The following ASXL3 variants were observed in gnomAD, a reference collection of about 807,000 sequenced individuals.
ASXL3 encodes putative Polycomb group protein ASXL3.
A neutral mutation model predicts 170.6 loss-of-function variants in ASXL3; 34 were observed. The ratio of observed to expected loss-of-function variants is 0.20; its 90% confidence interval spans 0.15 to 0.27. The LOEUF (loss-of-function observed/expected upper bound fraction) is 0.27. Ranked by LOEUF, ASXL3 falls within the 10% of genes least tolerant of loss-of-function variation. The probability of loss-of-function intolerance (pLI) is 1.00; values close to 1 mark genes in which losing one functional copy is unlikely to be tolerated. For synonymous variants in ASXL3, 1,002 were observed against 989.1 expected (o/e 1.01, Z -0.24); for missense variants, 2,592 against 2,695.3 (o/e 0.96, Z 0.85).
intron 2 of ASXL3, among the ~76,000 whole-genome samples, chr18:33,624,597 A>G (rs1366488228): frequency 1.3e-5 from 2 of 152,068 alleles, no homozygotes; most frequent in Admixed American, 6.6e-5. Flanking sequence ...TCCCGACAGT[A>G]TTTCTGCCCA....
chr18:33,606,640 GTC>G (rs1199066892), intron 1 of ASXL3, among the ~76,000 whole-genome samples: 1 of 151,984 alleles, frequency 6.6e-6, no homozygotes, highest in Admixed American at 6.6e-5. Flanking sequence ...GAACTCTAGT[GTC>G]TCTAAGTTAC....
chr18:33,687,506 A>AC (rs2066615461), intron 8 of ASXL3, among the ~76,000 whole-genome samples: 1 of 152,120 alleles, frequency 6.6e-6, no homozygotes, highest in South Asian at 2.1e-4. Context: ...TCCTTTGACT[A>AC]CCCCAAGTTT....
intron 8 of ASXL3, among the ~76,000 whole-genome samples, chr18:33,702,967 C>T (rs576503546): frequency 3.3e-5 from 5 of 152,172 alleles, no homozygotes; most frequent in African/African-American, 7.2e-5. Context: ...TTCAACAATG[C>T]GGTGGGCATA....
chr18:33,610,408 A>G (rs1280080363), intron 2 of ASXL3, among the ~76,000 whole-genome samples: 1 of 151,960 alleles, frequency 6.6e-6, no homozygotes, highest in Non-Finnish European at 1.5e-5. Flanking sequence ...TAATGTTTTA[A>G]TGGTCCTCCC....
chr18:33,713,554 C>T (rs2067115806), intron 8 of ASXL3, among the ~76,000 whole-genome samples: 1 of 152,060 alleles, frequency 6.6e-6, no homozygotes, highest in African/African-American at 2.4e-5. Flanking sequence ...CGTGCCCGGC[C>T]TGAGCTTTCA....
intron 2 of ASXL3, among the ~76,000 whole-genome samples, chr18:33,607,902 A>G (rs2065273863): frequency 6.6e-6 from 1 of 152,010 alleles, no homozygotes; most frequent in Admixed American, 6.6e-5. Flanking sequence ...TACTTTCTTA[A>G]CAAAGAACAG....
At chr18:33,699,881 T>C (rs906692612) in intron 8 of ASXL3, among the ~76,000 whole-genome samples, 2 of 152,092 alleles carry the variant, frequency 1.3e-5, no homozygotes, top group African/African-American at 2.4e-5. Context: ...TTATACATTA[T>C]TTTTTATTTA....
chr18:33,620,267 C>G (rs775626868), intron 2 of ASXL3, among the ~76,000 whole-genome samples: 1 of 152,040 alleles, frequency 6.6e-6, no homozygotes, highest in Non-Finnish European at 1.5e-5. Context: ...CAGTTTGTAG[C>G]TTAATTTGTG....
At chr18:33,730,393 T>C (rs2067423407) in intron 8 of ASXL3, among the ~76,000 whole-genome samples, 1 of 152,094 alleles carries the variant, frequency 6.6e-6, no homozygotes, top group African/African-American at 2.4e-5. Context: ...AAGTGGTTGT[T>C]TGGGAATGAT....
rs751213787 is a variant in ASXL3, at chr18:33,744,537, C to G, written c.4689C>G (p.Pro1563=). The G allele has an allele frequency of 5.6e-6, 9 of 1,612,090 alleles. No individual in the cohort carries two copies. The East Asian group carries it at 1.6e-4, about 28-fold the overall frequency. The change falls in exon 12 of 12, where the codon CCC becomes CCG. Residue 1563 remains proline, a synonymous_variant. Coordinates refer to ENST00000269197, the MANE Select transcript of ASXL3 (RefSeq NM_030632.3). ...PATCTSLREL[P]LVPDKLNEPT... ...CCTGCACAAGTCTCCGAGAATTACC[C>G]CTTGTTCCAGATAAATTAAATGAGC...
At chr18:33,664,169 A>G (rs2066220314) in intron 5 of ASXL3, among the ~76,000 whole-genome samples, 1 of 152,116 alleles carries the variant, frequency 6.6e-6, no homozygotes, top group Non-Finnish European at 1.5e-5. Context: ...TTATATCCCC[A>G]TTTTTCAAAG....
rs753932440 is a variant in ASXL3, at chr18:33,671,883, C to CTA, written c.715+19_715+20dup. The CTA allele has an allele frequency of 9.3e-6, 14 of 1,507,206 alleles. No homozygotes were observed. Among genetic ancestry groups the CTA allele is most frequent in the African/African-American group, 1.4e-5 (1 of 70,652 alleles). 93.4% of individuals were successfully genotyped at this position (1,507,206 alleles called of 1,614,324 possible). ...CTGGTTTAGGTGAGTGTTTAATAGA[C>CTA]TATGCCATTTCACATTTTAGAAATT... On this transcript the variant is annotated intron_variant, in intron 7 of 11. Transcript: ENST00000269197.
chr18:33,645,469 A>T (rs956227371), intron 3 of ASXL3, among the ~76,000 whole-genome samples: 1 of 151,974 alleles, frequency 6.6e-6, no homozygotes, highest in African/African-American at 2.4e-5. Context: ...CGTGATCTCA[A>T]GGAAGTTTTA....
In ASXL3 at chr18:33,745,745, A is replaced by G. The variant is rs1277675171; in HGVS notation, c.5897A>G (p.His1966Arg). Reference protein sequence around the residue: ...VGCNAFAFNRHLEQKGLGEVS... With the variant: ...VGCNAFAFNRRLEQKGLGEVS... ...TGTAATGCATTTGCCTTCAACAGGC[A>G]TCTTGAACAGAAGGGATTGGGAGAG... The change falls in exon 12 of 12, where the codon CAT (histidine) becomes CGT (arginine). Residue 1966 changes from histidine (H) to arginine (R), a missense_variant. Coordinates refer to ENST00000269197, the MANE Select transcript of ASXL3 (RefSeq NM_030632.3). 1 of 1,613,992 alleles carries G rather than the reference A, an allele frequency of 6.2e-7. No individual in the cohort carries two copies.
intron 7 of ASXL3, among the ~76,000 whole-genome samples, chr18:33,680,806 T>C (rs2066502486): frequency 6.6e-6 from 1 of 151,888 alleles, no homozygotes; most frequent in African/African-American, 2.4e-5. Flanking sequence ...TTAGTAGTTT[T>C]TAGTTTATTG....
At position 33,739,878 on chromosome 18, in the gene ASXL3, C is replaced by G; in HGVS notation, c.2474C>G (p.Ser825Cys). 1 of 1,613,932 alleles carries G rather than the reference C, an allele frequency of 6.2e-7. No homozygotes were observed. The highest frequency in any genetic ancestry group is 8.5e-7 in the Non-Finnish European group (1 of 1,179,856). ...TCCATTGCTCCTGAAGCATTTCCGT[C>G]TGAAGATTTGCACAATAAGACCCTG... ...SSSIAPEAFP[S>C]EDLHNKTLSQ... The change falls in exon 11 of 12, where the codon TCT becomes TGT. Residue 825 changes from serine to cysteine, a missense_variant. Transcript: ENST00000269197.
At chr18:33,691,187 G>C (rs1465847771) in intron 8 of ASXL3, among the ~76,000 whole-genome samples, 1 of 152,182 alleles carries the variant, frequency 6.6e-6, no homozygotes. Flanking sequence ...TCCCTGCAAT[G>C]ACAGCACAGG....
chr18:33,740,425 A>C lies in ASXL3; in HGVS notation c.3021A>C (p.Pro1007=). The change falls in exon 11 of 12, where the codon CCA becomes CCC. Residue 1007 remains proline (P), a synonymous_variant. Transcript: ENST00000269197. Reference sequence around the variant, plus strand: ...AAGAACAGCCTCCCAGAGAGGAACCAAGGGTTCCCCCTCTCAAGGTATGGT... The same window carrying C: ...AAGAACAGCCTCCCAGAGAGGAACCCAGGGTTCCCCCTCTCAAGGTATGGT... The part of the protein sequence containing the change: ...PEKEQPPREE[P]RVPPLKIQLS... 6.3e-7 allele frequency: 1 copy of C among 1,579,464 alleles called. No homozygotes were observed. The highest frequency in any genetic ancestry group is 8.6e-7 in the Non-Finnish European group (1 of 1,168,108).
At chr18:33,589,487 G>A (rs2065060729) in intron 1 of ASXL3, among the ~76,000 whole-genome samples, 1 of 152,138 alleles carries the variant, frequency 6.6e-6, no homozygotes, top group Admixed American at 6.5e-5. Context: ...GAAATAGACG[G>A]CATTACCTTG....
Sources: allele counts gnomAD v4.1 joint callset (sites outside exome capture counted in the v4.1 genomes callset), GRCh38; gene constraint gnomAD v4.1.1; transcripts MANE v1.5; gene names NCBI Gene and HGNC (gene_info 2026-07-23, HGNC 2026-07-21).